GTF2IRD1: variants seen among roughly 807,000 people sequenced by gnomAD.
The protein encoded by GTF2IRD1 is GTF2I repeat domain containing 1, also known as general transcription factor II-I repeat domain-containing protein 1.
Under a neutral mutation model 113.2 loss-of-function variants are expected in GTF2IRD1, and 26 were observed. The observed-to-expected ratio is 0.23, with a 90% CI of 0.17 to 0.32. GTF2IRD1 has a LOEUF of 0.32. Among genes scored for constraint, GTF2IRD1 ranks in the 10% least tolerant of loss-of-function variants. GTF2IRD1 has a pLI of 1.00. For missense variants in GTF2IRD1, 864 were observed against 1,280.8 expected (o/e 0.67, Z 4.97); for synonymous variants, 484 against 529.1 (o/e 0.91, Z 1.17).
chr7:74,522,819 A>G (rs1797369072), intron 7 of GTF2IRD1, among the ~76,000 whole-genome samples: 1 of 152,242 alleles, frequency 6.6e-6, no homozygotes, highest in Non-Finnish European at 1.5e-5. Context: ...AACTTGTCAT[A>G]AGGAATTAAA....
In GTF2IRD1 at chr7:74,467,681, T is replaced by G. The variant is rs148469298; in HGVS notation, c.-7+13505T>G. 9.5e-3 allele frequency among the ~76,000 whole-genome samples: 1,436 copies of G among 151,736 alleles called. 10 individuals are homozygous for G. Among genetic ancestry groups the G allele is most frequent in the Non-Finnish European group, 0.014 (928 of 67,852 alleles). ...ACACCTAGCTAATTTTTGTATTTTA[T>G]TTTGTATTTAATTTTTTATTTTTAT... is the stretch of plus-strand genomic sequence containing the variant. On this transcript the variant is annotated intron_variant, in intron 1 of 26. Transcript: ENST00000424337.
intron 13 of GTF2IRD1, among the ~76,000 whole-genome samples, chr7:74,539,521 A>G (rs1348965316): frequency 1.3e-5 from 2 of 152,184 alleles, no homozygotes; most frequent in Non-Finnish European, 2.9e-5. Flanking sequence ...AGGCGGGCAC[A>G]TCACCTGAGG....
In GTF2IRD1 at chr7:74,580,143, C is replaced by T. The variant is rs149020673; in HGVS notation, c.2321-9708C>T. On this transcript the variant is annotated intron_variant, in intron 22 of 26. Transcript: ENST00000424337. Reference sequence around the variant, plus strand: ...CCCTACAAGGGGTTAAAAGCTGAACCTGAATGTAGCTTTTTTATTTTTTCG... The same window carrying T: ...CCCTACAAGGGGTTAAAAGCTGAACTTGAATGTAGCTTTTTTATTTTTTCG... Among the ~76,000 whole-genome samples, 148 of 152,270 alleles carry T rather than the reference C, an allele frequency of 9.7e-4. No homozygotes were observed. In the Middle Eastern group the frequency reaches 0.01, roughly 10 times the overall value.
intron 3 of GTF2IRD1, among the ~76,000 whole-genome samples, chr7:74,514,680 G>A (rs1247994064): frequency 6.6e-6 from 1 of 151,868 alleles, no homozygotes; most frequent in Non-Finnish European, 1.5e-5. Context: ...CCTTGGAGCA[G>A]GGGTTGGGGG....
At chr7:74,585,936 A>G (rs1328153959) in intron 22 of GTF2IRD1, among the ~76,000 whole-genome samples, 1 of 152,084 alleles carries the variant, frequency 6.6e-6, no homozygotes, top group Non-Finnish European at 1.5e-5. Context: ...GACCTCAGGA[A>G]ACCCAGGGCT....
chr7:74,453,977 C>G lies in GTF2IRD1; in HGVS notation c.-206C>G, dbSNP rs1453026473. On this transcript the variant is annotated 5_prime_UTR_variant, in exon 1 of 27. Transcript: ENST00000424337. The stretch of plus-strand genomic sequence containing the variant: ...GGGTGGGGGCCGCCGAGCGCCAGCC[C>G]CCCGGCCGGCCGATTCCCCCCCCGC... 1 of 148,016 alleles carries G rather than the reference C, an allele frequency of 6.8e-6. No individual in the cohort carries two copies. The highest frequency in any genetic ancestry group is 2.5e-5 in the African/African-American group (1 of 40,402). The allele number at this position is 148,016 out of a possible 1,614,324, so 9.2% of individuals were successfully genotyped here. A position where few individuals can be genotyped will look rare whatever the true frequency, so the allele number is the denominator to read the frequency against.
At chr7:74,491,036 G>A (rs1401294740) in intron 1 of GTF2IRD1, among the ~76,000 whole-genome samples, 6 of 152,126 alleles carry the variant, frequency 3.9e-5, no homozygotes, top group East Asian at 1.9e-4. Context: ...GGCCGAGTGC[G>A]GTGGCTCATG....
At chr7:74,599,772 C>T (rs1290735653) in intron 25 of GTF2IRD1, among the ~76,000 whole-genome samples, 2 of 152,188 alleles carry the variant, frequency 1.3e-5, no homozygotes, top group Non-Finnish European at 2.9e-5. Flanking sequence ...ATCCACCCAC[C>T]TTGGTCTCCC....
At chr7:74,489,308 T>C (rs1273765501) in intron 1 of GTF2IRD1, among the ~76,000 whole-genome samples, 2 of 151,746 alleles carry the variant, frequency 1.3e-5, no homozygotes, top group African/African-American at 4.8e-5. Flanking sequence ...TGGTCGGGGG[T>C]GTCACATGCA....
intron 22 of GTF2IRD1, among the ~76,000 whole-genome samples, chr7:74,588,724 G>A (rs1262817508): frequency 6.6e-6 from 1 of 152,028 alleles, no homozygotes; most frequent in Non-Finnish European, 1.5e-5. Flanking sequence ...TACAGACGGG[G>A]TTTCACCATG....
At chr7:74,588,968 T>G (rs1448664551) in intron 22 of GTF2IRD1, among the ~76,000 whole-genome samples, 5 of 152,158 alleles carry the variant, frequency 3.3e-5, no homozygotes, top group Non-Finnish European at 5.9e-5. Context: ...TGACACCCCC[T>G]CTGGCTGGGA....
At position 74,559,035 on chromosome 7, in the gene GTF2IRD1, C is replaced by T. The variant is rs782052702; in HGVS notation, c.2282C>T (p.Thr761Ile). ...ILAVADKIKFTVTRPFQGLIP... is the reference protein window; with the variant it reads ...ILAVADKIKFIVTRPFQGLIP... Reference sequence around the variant, plus strand: ...GCTGTGGCTGACAAGATCAAGTTCACAGTCACCAGGTACTCAGTGGGAAGG... The same window carrying T: ...GCTGTGGCTGACAAGATCAAGTTCATAGTCACCAGGTACTCAGTGGGAAGG... The change falls in exon 21 of 27, where the codon ACA (threonine) becomes ATA (isoleucine). Residue 761 changes from threonine to isoleucine, a missense_variant. Around this residue, in one of 7 missense-constraint regions of GTF2IRD1, gnomAD observed 195 missense variants for 359.1 expected, o/e 0.54. Transcript: ENST00000424337. The T allele has an allele frequency of 1.2e-6, 2 of 1,613,562 alleles. No individual in the cohort carries two copies. Among genetic ancestry groups the T allele is most frequent in the Non-Finnish European group, 1.7e-6 (2 of 1,179,726 alleles).
At chr7:74,546,823 G>A (rs1798972290) in intron 16 of GTF2IRD1, among the ~76,000 whole-genome samples, 1 of 152,214 alleles carries the variant, frequency 6.6e-6, no homozygotes, top group Non-Finnish European at 1.5e-5. Context: ...GGGCATGAGG[G>A]CATGGACCCA....
At chr7:74,498,742 T>TTTA (rs1795864087) in intron 1 of GTF2IRD1, among the ~76,000 whole-genome samples, 1 of 151,478 alleles carries the variant, frequency 6.6e-6, no homozygotes, top group Non-Finnish European at 1.5e-5. Flanking sequence ...TTTTTTTTTT[T>TTTA]AAATAAGATG....
At chr7:74,469,858 C>T (rs1348967688) in intron 1 of GTF2IRD1, among the ~76,000 whole-genome samples, 1 of 151,818 alleles carries the variant, frequency 6.6e-6, no homozygotes, top group Admixed American at 6.6e-5. Context: ...CACCAAGCCA[C>T]CACCCCTGAC....
chr7:74,601,488 G>A, intron 26 of GTF2IRD1: 1 of 1,436,026 alleles, frequency 7.0e-7, no homozygotes, highest in South Asian at 1.5e-5. Flanking sequence ...GAAAAGACAT[G>A]GCTGGCGGGT....
intron 1 of GTF2IRD1, among the ~76,000 whole-genome samples, chr7:74,482,782 T>A (rs1436434617): frequency 1.3e-5 from 2 of 152,168 alleles, no homozygotes; most frequent in African/African-American, 4.8e-5. Flanking sequence ...CCTCAGATTC[T>A]TTCATCATCC....
In GTF2IRD1 at chr7:74,518,230, A is replaced by G. The variant is rs17851629; in HGVS notation, c.513A>G (p.Glu171=). 326,574 of 1,610,598 alleles carry G rather than the reference A, an allele frequency of 0.2. 36,391 individuals carry two copies. The highest frequency in any genetic ancestry group is 0.44 in the African/African-American group (32,808 of 74,920). The stretch of plus-strand genomic sequence containing the variant: ...TGCTGGCCGTGCAGGGGCTGCCCGA[A>G]GGCCTGGCCTTCCGAAGGCCAGCCG... ...PGLLAVQGLP[E]GLAFRRPAEY... The change falls in exon 5 of 27, where the codon GAA becomes GAG. Residue 171 remains glutamate, a synonymous_variant. Coordinates refer to ENST00000424337, the MANE Select transcript of GTF2IRD1 (RefSeq NM_005685.4).
intron 22 of GTF2IRD1, among the ~76,000 whole-genome samples, chr7:74,577,720 T>C (rs1202801753): frequency 6.6e-6 from 1 of 152,034 alleles, no homozygotes; most frequent in Non-Finnish European, 1.5e-5. Flanking sequence ...GGCACAGTCA[T>C]AGCTTACTGC....
Sources: allele counts gnomAD v4.1 joint callset (sites outside exome capture counted in the v4.1 genomes callset), GRCh38; gene constraint gnomAD v4.1.1; regional missense constraint gnomAD v4.1.1; transcripts MANE v1.5; gene names NCBI Gene and HGNC (gene_info 2026-07-23, HGNC 2026-07-21).